C1orf21: variants seen among roughly 807,000 people sequenced by gnomAD.
C1orf21 encodes the protein chromosome 1 open reading frame 21.
A neutral mutation model predicts 18.7 loss-of-function variants in C1orf21; 3 were observed. The observed-to-expected ratio is 0.16, with a 90% CI of 0.07 to 0.42. The LOEUF is 0.42. Ranked by LOEUF, C1orf21 falls within the 10% of genes least tolerant of loss-of-function variation. The pLI, the probability that C1orf21 is intolerant of heterozygous loss-of-function variation, is 0.99. For missense variants in C1orf21, 104 were observed against 143.6 expected, an observed-to-expected ratio of 0.72 and a Z score of 1.41; for synonymous variants, 41 against 46.4, an observed-to-expected ratio of 0.88 and a Z score of 0.47.
chr1:184,415,143 G>A (rs766775813), intron 1 of C1orf21, among the ~76,000 whole-genome samples: 49 of 152,278 alleles, frequency 3.2e-4, no homozygotes, highest in Admixed American at 7.2e-4. Context: ...GAGCGTGGCC[G>A]TTGAGTAAAG....
At chr1:184,410,654 TATATA>T (rs1180793361) in intron 1 of C1orf21, among the ~76,000 whole-genome samples, 208 of 7,538 alleles carry the variant, frequency 0.028, 52 homozygotes, top group African/African-American at 0.035. Context: ...TATATATATA[TATATA>T]TATATTTTTT....
intron 3 of C1orf21, among the ~76,000 whole-genome samples, chr1:184,587,400 T>C (rs1466806640): frequency 6.6e-6 from 1 of 151,966 alleles, no homozygotes; most frequent in Non-Finnish European, 1.5e-5. Flanking sequence ...TTAACAATAT[T>C]GATTCTTTCT....
At chr1:184,571,296 CAAAAAAAAAAAA>C (rs66868646) in intron 3 of C1orf21, among the ~76,000 whole-genome samples, 1 of 85,576 alleles carries the variant, frequency 1.2e-5, no homozygotes, top group Non-Finnish European at 2.3e-5. Flanking sequence ...GACTCCGTCT[CAAAAAAAAAAAA>C]AAAAAAAAAA....
intron 1 of C1orf21, among the ~76,000 whole-genome samples, chr1:184,392,543 A>G (rs892127423): frequency 6.6e-6 from 1 of 152,134 alleles, no homozygotes; most frequent in Non-Finnish European, 1.5e-5. Context: ...TCACCACTAC[A>G]CAATATATCC....
Position 184,470,786 on chromosome 1 carries a change from G to A in C1orf21, c.-124-6600G>A, listed in dbSNP as rs951447514. Among the ~76,000 whole-genome samples the A allele has an allele frequency of 2.6e-5, 4 of 152,092 alleles. No homozygotes were observed. The East Asian group carries it at 7.7e-4, about 29-fold the overall frequency. On this transcript the variant is annotated intron_variant, in intron 1 of 5. Coordinates refer to ENST00000235307, the MANE Select transcript of C1orf21 (RefSeq NM_030806.4). ...CCCAGCTACTAGGGAGGCTGAGGCA[G>A]GAGAATCACTTGAACCCAGGAGGTG...
At chr1:184,580,036 A>G (rs1659255124) in intron 3 of C1orf21, among the ~76,000 whole-genome samples, 1 of 152,282 alleles carries the variant, frequency 6.6e-6, no homozygotes, top group African/African-American at 2.4e-5. Flanking sequence ...CTCCAAAAGT[A>G]TTGGCTAACT....
At chr1:184,530,560 A>G (rs920194995) in intron 3 of C1orf21, among the ~76,000 whole-genome samples, 2 of 138,104 alleles carry the variant, frequency 1.4e-5, no homozygotes, top group Admixed American at 1.4e-4. Flanking sequence ...TACTTCATTA[A>G]TTTCTCCCGA....
At chr1:184,463,916 A>G (rs747046658) in intron 1 of C1orf21, among the ~76,000 whole-genome samples, 17 of 152,214 alleles carry the variant, frequency 1.1e-4, no homozygotes, top group Admixed American at 5.2e-4. Context: ...CTTAGAGGTG[A>G]TAAGACTTGT....
intron 1 of C1orf21, among the ~76,000 whole-genome samples, chr1:184,457,659 C>G (rs1312359049): frequency 1.3e-5 from 2 of 152,068 alleles, no homozygotes; most frequent in Non-Finnish European, 2.9e-5. Flanking sequence ...TCTTTGGTGC[C>G]TCTCCGATGG....
At chr1:184,521,192 A>G (rs1658301736) in intron 3 of C1orf21, among the ~76,000 whole-genome samples, 1 of 152,286 alleles carries the variant, frequency 6.6e-6, no homozygotes, top group African/African-American at 2.4e-5. Context: ...CCCGGCCAAT[A>G]TAATTTTTTT....
intron 1 of C1orf21, among the ~76,000 whole-genome samples, chr1:184,446,015 G>A (rs909480337): frequency 2.0e-5 from 3 of 151,954 alleles, no homozygotes; most frequent in East Asian, 1.9e-4. Flanking sequence ...GAATTTTCTC[G>A]GGAGATTAAC....
chr1:184,499,050 A>G (rs1297519278), intron 2 of C1orf21, among the ~76,000 whole-genome samples: 4 of 152,208 alleles, frequency 2.6e-5, no homozygotes, highest in East Asian at 3.8e-4. Flanking sequence ...GATCCAGAAC[A>G]TTGAAAGGGC....
chr1:184,507,570 T>C lies in C1orf21; in HGVS notation c.95-18T>C, dbSNP rs1658082409. 1.9e-6 allele frequency: 3 copies of C among 1,567,058 alleles called. No homozygotes were observed. The Admixed American group carries it at 6.1e-5, about 32-fold the overall frequency. The stretch of plus-strand genomic sequence containing the variant: ...GGGAAAAAAATTATAAAATGTGTTT[T>C]CTTTTTTTGGCACTCAGATGAGTAT... On this transcript the variant is annotated intron_variant, in intron 2 of 5. Coordinates refer to ENST00000235307, the MANE Select transcript of C1orf21 (RefSeq NM_030806.4).
chr1:184,598,091 T>G (rs547859598), intron 4 of C1orf21, among the ~76,000 whole-genome samples: 1 of 152,290 alleles, frequency 6.6e-6, no homozygotes, highest in Admixed American at 6.5e-5. Flanking sequence ...ATGCTTTTTT[T>G]TTAAATCACA....
At position 184,387,932 on chromosome 1, in the gene C1orf21, G is replaced by A. The variant is rs77120708; in HGVS notation, c.-125+564G>A. Among the ~76,000 whole-genome samples the A allele has an allele frequency of 7.0e-3, 1,069 of 152,240 alleles. 8 individuals are homozygous for A. The highest frequency in any genetic ancestry group is 0.024 in the African/African-American group (1,008 of 41,532). On this transcript the variant is annotated intron_variant, in intron 1 of 5. Transcript: ENST00000235307. This position sits in a 1 kb window ranked among gnomAD's most constrained non-coding sequence, Gnocchi z 5.6. The stretch of plus-strand genomic sequence containing the variant: ...TGACCTTTTTGGGGTGGCTCGTTTC[G>A]TTGCATCTGTTTGCCCACCTCGGTG...
chr1:184,581,336 G>A (rs903698493), intron 3 of C1orf21, among the ~76,000 whole-genome samples: 7 of 152,030 alleles, frequency 4.6e-5, no homozygotes, highest in South Asian at 4.2e-4. Context: ...AGGCTGAGGC[G>A]GGAGAATTGC....
intron 3 of C1orf21, among the ~76,000 whole-genome samples, chr1:184,577,188 A>G (rs1017059976): frequency 1.3e-5 from 2 of 151,014 alleles, no homozygotes; most frequent in Non-Finnish European, 2.9e-5. Flanking sequence ...TGGACACAGT[A>G]TAATCACAAG....
chr1:184,579,312 G>A (rs999751957), intron 3 of C1orf21, among the ~76,000 whole-genome samples: 53 of 145,216 alleles, frequency 3.6e-4, no homozygotes, highest in African/African-American at 1.1e-3. Flanking sequence ...TCAGCCTCCC[G>A]AAGTGCTGGG....
chr1:184,527,624 A>T (rs1161002116), intron 3 of C1orf21, among the ~76,000 whole-genome samples: 1 of 152,166 alleles, frequency 6.6e-6, no homozygotes, highest in African/African-American at 2.4e-5. Flanking sequence ...GTTGTGAAAG[A>T]CTTTGTATAC....
Sources: allele counts gnomAD v4.1 joint callset (sites outside exome capture counted in the v4.1 genomes callset), GRCh38; gene constraint gnomAD v4.1.1; non-coding constraint Gnocchi (gnomAD v3.1); transcripts MANE v1.5; gene names NCBI Gene and HGNC (gene_info 2026-07-23, HGNC 2026-07-21).